Variants in SYT12 observed in about 807,000 individuals in gnomAD.
SYT12 encodes synaptotagmin-12.
Under a neutral mutation model 39.5 loss-of-function variants are expected in SYT12, and 27 were observed. The ratio of observed to expected loss-of-function variants is 0.68; its 90% CI spans 0.50 to 0.94. SYT12 has a LOEUF of 0.94. Among genes scored for constraint, SYT12 ranks in the 40% least tolerant of loss-of-function variants. The pLI is 0.00. For missense variants in SYT12, 536 were observed against 572.6 expected, an observed-to-expected ratio of 0.94 and a Z score of 0.65; for synonymous variants, 233 against 239.7, an observed-to-expected ratio of 0.97 and a Z score of 0.26.
chr11:67,030,226 T>TA, intron 2 of SYT12, 48 bp downstream of exon 2: 5 of 1,606,612 alleles, frequency 3.1e-6, no homozygotes, highest in Non-Finnish European at 4.3e-6. Flanking sequence ...GCGAGACCCT[T>TA]ACACCAGGCC....
At chr11:67,046,834 G>C (rs746581832) in intron 7 of SYT12, among the ~76,000 whole-genome samples, 5 of 152,212 alleles carry the variant, frequency 3.3e-5, no homozygotes, top group Non-Finnish European at 7.3e-5. Context: ...AGTCTCTCCC[G>C]TCCTCGGTTG....
Position 67,040,152 on chromosome 11 carries a change from CT to C in SYT12, c.572del (p.Phe191SerfsTer66). 1.9e-6 allele frequency: 3 copies of C among 1,605,044 alleles called. No individual in the cohort carries two copies. Among genetic ancestry groups the C allele is most frequent in the Non-Finnish European group, 2.6e-6 (3 of 1,174,348 alleles). On this transcript the variant is annotated frameshift_variant, in exon 4 of 8. Coordinates refer to ENST00000527043, the MANE Select transcript of SYT12 (RefSeq NM_177963.4). LOFTEE classifies it high-confidence loss of function. The part of the protein sequence containing the change: ...EREEASFESC[F>X]MRVSLLPDEQ... ...GGGAGGAGGCCAGCTTCGAGTCCTG[CT>C]TCATGCGCGTCAGCCTGCTGCCGGA...
chr11:67,033,246 C>T (rs1251269481), intron 2 of SYT12, among the ~76,000 whole-genome samples: 1 of 151,988 alleles, frequency 6.6e-6, no homozygotes, highest in Non-Finnish European at 1.5e-5. Context: ...TGGCACACTT[C>T]TTGCCCCTCC....
intron 3 of SYT12, among the ~76,000 whole-genome samples, chr11:67,016,782 C>T (rs898669267): frequency 6.6e-6 from 1 of 152,100 alleles, no homozygotes; most frequent in Non-Finnish European, 1.5e-5. Context: ...CAGCTCTTCA[C>T]ACTTCCCCCT....
At chr11:67,043,535 G>A in intron 4 of SYT12, 103 bp from the exon 5 acceptor site, 1 of 1,085,256 alleles carries the variant, frequency 9.2e-7, no homozygotes, top group East Asian at 2.4e-5. Flanking sequence ...CAAGACAACA[G>A]AGCCAGGACT....
intron 7 of SYT12, among the ~76,000 whole-genome samples, chr11:67,047,731 T>G (rs1854603597): frequency 7.5e-6 from 1 of 133,916 alleles, no homozygotes; most frequent in Non-Finnish European, 1.6e-5. Context: ...TCACCTGAGG[T>G]CAGGAGTTCA....
chr11:67,042,468 C>T (rs2136228598), intron 4 of SYT12, among the ~76,000 whole-genome samples: 1 of 152,290 alleles, frequency 6.6e-6, no homozygotes, highest in South Asian at 2.1e-4. Context: ...GCCAACAGGA[C>T]AGATTGTTAG....
chr11:67,019,132 G>A (rs1051079688), upstream of SYT12, among the ~76,000 whole-genome samples: 15 of 7,018 alleles, frequency 2.1e-3, no homozygotes, highest in Non-Finnish European at 0.12. Flanking sequence ...TTACATGGTG[G>A]CAGACGAGAG....
intron 2 of SYT12, among the ~76,000 whole-genome samples, chr11:67,034,072 A>C (rs556811698): frequency 1.3e-3 from 204 of 152,352 alleles, no homozygotes; most frequent in Non-Finnish European, 2.5e-3. Flanking sequence ...AAAGATTCAC[A>C]TACCAAGCAA....
Position 67,034,696 on chromosome 11 carries a change from T to A in SYT12, c.86T>A (p.Leu29Gln). The stretch of plus-strand genomic sequence containing the variant: ...GTGGGTGTCTATGCTGCAGGGGCCC[T>A]GGCCCTGCTGGGAATCGCAGCTGTG... ...WEVGVYAAGA[L>Q]ALLGIAAVSL... The change falls in exon 3 of 8, where the codon CTG (leucine) becomes CAG (glutamine). Residue 29 changes from leucine (L) to glutamine (Q), a missense_variant. Transcript: ENST00000527043. 1.9e-6 allele frequency: 3 copies of A among 1,603,368 alleles called. No homozygotes were observed. The highest frequency in any genetic ancestry group is 2.6e-6 in the Non-Finnish European group (3 of 1,175,888).
At chr11:67,010,584 C>T (rs541924801) in intron 2 of SYT12, among the ~76,000 whole-genome samples, 5 of 152,330 alleles carry the variant, frequency 3.3e-5, no homozygotes, top group Admixed American at 3.3e-4. Flanking sequence ...CTGCCCAGTA[C>T]CCTGCTGGTG....
intron 3 of SYT12, among the ~76,000 whole-genome samples, chr11:67,014,245 C>A (rs1352304582): frequency 6.6e-6 from 1 of 152,198 alleles, no homozygotes; most frequent in Non-Finnish European, 1.5e-5. Flanking sequence ...AGTCAACTTG[C>A]TGCAACCATC....
chr11:67,028,837 T>A (rs887828973), intron 1 of SYT12: 1 of 152,240 alleles, frequency 6.6e-6, no homozygotes, highest in Non-Finnish European at 1.5e-5. Flanking sequence ...GCCACGGTGG[T>A]TGGCATTCCT....
chr11:67,047,777 C>CT (rs1173796349), intron 7 of SYT12, among the ~76,000 whole-genome samples: 1,834 of 76,046 alleles, frequency 0.024, 356 homozygotes, highest in African/African-American at 0.064. Context: ...ACCCCCATCT[C>CT]TTTTTTTTTT....
chr11:67,045,649 C>A (rs1247130577), intron 6 of SYT12, 95 bp from the exon 7 acceptor site: 2 of 1,518,686 alleles, frequency 1.3e-6, no homozygotes, highest in South Asian at 1.2e-5. Context: ...AACAGTTAAG[C>A]ATTGGGGAGT....
At chr11:67,033,324 G>A (rs1204284772) in intron 2 of SYT12, among the ~76,000 whole-genome samples, 1 of 152,084 alleles carries the variant, frequency 6.6e-6, no homozygotes, top group Non-Finnish European at 1.5e-5. Flanking sequence ...CCAGTACCCT[G>A]ATCTGTCTAT....
At chr11:67,030,254 TG>T in intron 2 of SYT12, 76 bp downstream of exon 2, 1 of 1,532,672 alleles carries the variant, frequency 6.5e-7, no homozygotes. Context: ...GAGGTGTCTG[TG>T]GGACATGAAT....
chr11:67,019,759 G>A (rs371922810), upstream of SYT12, among the ~76,000 whole-genome samples: 2 of 151,840 alleles, frequency 1.3e-5, no homozygotes, highest in Non-Finnish European at 2.9e-5. Flanking sequence ...TTAGCCATGC[G>A]TGGTGGCGTG....
At chr11:67,021,318 C>T (rs1040510127), upstream of SYT12, among the ~76,000 whole-genome samples, 1 of 151,590 alleles carries the variant, frequency 6.6e-6, no homozygotes, top group African/African-American at 2.4e-5. Context: ...CCAGCCTCAA[C>T]TTTGCTTTTT....
Sources: allele counts gnomAD v4.1 joint callset (sites outside exome capture counted in the v4.1 genomes callset), GRCh38; gene constraint gnomAD v4.1.1; transcripts MANE v1.5; gene names NCBI Gene and HGNC (gene_info 2026-07-23, HGNC 2026-07-21).